TG: variants seen among roughly 807,000 people sequenced by gnomAD.
TG encodes thyroid hormones.
TG carries 270 observed loss-of-function variants against 324.7 expected under a neutral mutation model. The ratio of observed to expected loss-of-function variants is 0.83; its 90% CI spans 0.75 to 0.92. The LOEUF (loss-of-function observed/expected upper bound fraction) is 0.92. TG is among the 40% of genes least tolerant of loss of function. The pLI, the probability that TG is intolerant of heterozygous loss-of-function variation, is 0.00. For synonymous variants in TG, 1,401 were observed against 1,327.0 expected, an observed-to-expected ratio of 1.06 and a Z score of -1.21; for missense variants, 3,591 against 3,456.4, an observed-to-expected ratio of 1.04 and a Z score of -0.98.
intron 5 of TG, among the ~76,000 whole-genome samples, chr8:132,876,875 C>T (rs2132085486): frequency 6.6e-6 from 1 of 152,312 alleles, no homozygotes; most frequent in Admixed American, 6.5e-5. Context: ...AACCCTTGTC[C>T]TTAATGACTA....
At chr8:133,023,579 C>A (rs1042294193) in intron 40 of TG, among the ~76,000 whole-genome samples, 5 of 152,228 alleles carry the variant, frequency 3.3e-5, no homozygotes, top group Non-Finnish European at 5.9e-5. Flanking sequence ...AAGAGGGAGA[C>A]CTCTTGGCCT....
At chr8:132,998,447 A>G (rs932560542) in intron 35 of TG, among the ~76,000 whole-genome samples, 1 of 152,226 alleles carries the variant, frequency 6.6e-6, no homozygotes, top group Non-Finnish European at 1.5e-5. Context: ...AGCTGTGGCC[A>G]TGGGAAATTT....
At position 133,047,597 on chromosome 8, in the gene TG, T is replaced by G; in HGVS notation, c.7239+17574T>G. The stretch of plus-strand genomic sequence containing the variant: ...AATTTCCAGCAGGAGTCATCAGGCC[T>G]GATGTTGGCCAGGCCCGTGGCAGTG... On this transcript the variant is annotated intron_variant, in intron 41 of 47. Transcript: ENST00000220616. The G allele has an allele frequency of 5.4e-6, 3 of 554,506 alleles. No individual in the cohort carries two copies. The South Asian group carries it at 6.0e-5, about 11-fold the overall frequency. 34.3% of individuals were successfully genotyped at this position (554,506 alleles called of 1,614,324 possible).
At position 132,958,357 on chromosome 8, in the gene TG, G is replaced by GTCTA. The variant is rs34949600; in HGVS notation, c.5402-2619_5402-2616dup. On this transcript the variant is annotated intron_variant, in intron 27 of 47. Coordinates refer to ENST00000220616, the MANE Select transcript of TG (RefSeq NM_003235.5). Reference sequence around the variant, plus strand: ...ATATGGCATATCTATCTATCTATCTGTCTATCTATCTATCTATCTATCTAT... The same window carrying GTCTA: ...ATATGGCATATCTATCTATCTATCTGTCTATCTATCTATCTATCTATCTATCTAT... Among the ~76,000 whole-genome samples, 834 of 151,326 alleles carry GTCTA rather than the reference G, an allele frequency of 5.5e-3. 1 individual carries two copies. Among genetic ancestry groups the GTCTA allele is most frequent in the Middle Eastern group, 0.017 (5 of 292 alleles).
intron 41 of TG, chr8:133,038,584 C>A (rs2131050055): frequency 6.2e-7 from 1 of 1,614,150 alleles, no homozygotes. Flanking sequence ...TGCCACCATA[C>A]ATCAGGGAGA....
rs754487178 is a variant in TG at position 132,923,367 on chromosome 8, G to T, written c.4558G>T (p.Gly1520Cys). 6.2e-7 allele frequency: 1 copy of T among 1,614,130 alleles called. No homozygotes were observed. Among genetic ancestry groups the T allele is most frequent in the South Asian group, 1.1e-5 (1 of 91,076 alleles). The change falls in exon 22 of 48, where the codon GGC becomes TGC. Residue 1520 changes from glycine to cysteine, a missense_variant. By Grantham distance (159) the Gly-to-Cys change is radical (BLOSUM62 -3). Coordinates refer to ENST00000220616, the MANE Select transcript of TG (RefSeq NM_003235.5). ...CACTGACTGTCAGAGGAACGAAGCAGGCCTGCAATGTGACCAGAATGGCCA... is the reference window on the plus strand; with the variant it reads ...CACTGACTGTCAGAGGAACGAAGCATGCCTGCAATGTGACCAGAATGGCCA... ...CVTDCQRNEA[G>C]LQCDQNGQYR...
In TG at chr8:133,060,366, C is replaced by T. The variant is rs977688550; in HGVS notation, c.7239+30343C>T. Reference sequence around the variant, plus strand: ...GATTGGTGAAGATTGGTTACTTTTGCGCAGCTCAAGTTCTTTTATCAAGGG... The same window carrying T: ...GATTGGTGAAGATTGGTTACTTTTGTGCAGCTCAAGTTCTTTTATCAAGGG... On this transcript the variant is annotated intron_variant, in intron 41 of 47. Transcript: ENST00000220616. The T allele has an allele frequency of 1.4e-5, 22 of 1,537,132 alleles. No homozygotes were observed. The African/African-American group carries it at 1.5e-4, about 11-fold the overall frequency.
chr8:132,878,292 A>G (rs551274780), intron 5 of TG, among the ~76,000 whole-genome samples: 135 of 152,146 alleles, frequency 8.9e-4, no homozygotes, highest in African/African-American at 3.2e-3. Context: ...CTGCTGAAGG[A>G]CCAGTGGTTT....
intron 35 of TG, among the ~76,000 whole-genome samples, chr8:132,988,090 A>T (rs929367033): frequency 3.2e-4 from 48 of 151,632 alleles, no homozygotes; most frequent in African/African-American, 1.2e-3. Context: ...ACACACACAC[A>T]CACACACACA....
chr8:133,042,777 T>C (rs961566089), intron 41 of TG, among the ~76,000 whole-genome samples: 100 of 137,126 alleles, frequency 7.3e-4, no homozygotes, highest in African/African-American at 2.6e-3. Context: ...CACTGCAACC[T>C]CTGCCTCCTG....
intron 32 of TG, among the ~76,000 whole-genome samples, chr8:132,971,001 G>A (rs953511502): frequency 1.3e-5 from 2 of 152,162 alleles, no homozygotes; most frequent in African/African-American, 2.4e-5. Flanking sequence ...ATGGCAATAC[G>A]AGGCAGGATC....
Position 132,996,537 on chromosome 8 carries a change from C to A in TG, c.6262+13125C>A, listed in dbSNP as rs568487109. 2.2e-5 allele frequency among the ~76,000 whole-genome samples: 3 copies of A among 135,920 alleles called. 1 individual carries two copies. In the South Asian group the frequency reaches 6.9e-4, roughly 31 times the overall value. The allele number at this position is 135,920 out of a possible 152,430, so 89.2% of individuals were successfully genotyped here. On this transcript the variant is annotated intron_variant, in intron 35 of 47. Coordinates refer to ENST00000220616, the MANE Select transcript of TG (RefSeq NM_003235.5). ...TACAACTACATTACTATTTCTATTG[C>A]CAATTTTTTTTTGCTTGCTATTATA...
chr8:132,982,352 C>T (rs1587673973), intron 34 of TG, among the ~76,000 whole-genome samples: 2 of 152,246 alleles, frequency 1.3e-5, no homozygotes, highest in South Asian at 4.1e-4. Context: ...CATGTACCGT[C>T]CTAGTTTGGG....
At chr8:132,930,072 C>A (rs187872028) in intron 23 of TG, among the ~76,000 whole-genome samples, 2 of 152,278 alleles carry the variant, frequency 1.3e-5, no homozygotes, top group African/African-American at 4.8e-5. Flanking sequence ...TGCCTCAGTA[C>A]CCACATGTGA....
rs761925611 is a variant in TG at position 132,961,044 on chromosome 8, C to T, written c.5438C>T (p.Thr1813Ile). Residue 1813 changes from threonine to isoleucine, a missense_variant, in exon 28 of 48, where the codon ACC (threonine) becomes ATC (isoleucine). Coordinates refer to ENST00000220616, the MANE Select transcript of TG (RefSeq NM_003235.5). ...TTAGAAGGAACTCAAGACACCTTTA[C>T]CAATTTTCAGCAGGTTTATCTCTGG... is the stretch of plus-strand genomic sequence containing the variant. ...TPLEGTQDTF[T>I]NFQQVYLWKD... 6.2e-7 allele frequency: 1 copy of T among 1,614,040 alleles called. No individual in the cohort carries two copies. Among genetic ancestry groups the T allele is most frequent in the Non-Finnish European group, 8.5e-7 (1 of 1,179,964 alleles).
chr8:133,042,786 T>C (rs2741191), intron 41 of TG, among the ~76,000 whole-genome samples: 110,676 of 148,940 alleles, frequency 0.74, 41,880 homozygotes, highest in African/African-American at 0.89. Flanking sequence ...CTCTGCCTCC[T>C]GGGTTCAAGT....
At chr8:132,923,064 C>G (rs990495862) in intron 21 of TG, among the ~76,000 whole-genome samples, 6 of 152,092 alleles carry the variant, frequency 3.9e-5, no homozygotes, top group Non-Finnish European at 7.3e-5. Flanking sequence ...TGTGTTGGAG[C>G]AAATGGTATC....
intron 37 of TG, among the ~76,000 whole-genome samples, chr8:133,016,828 C>G (rs1221918406): frequency 6.6e-6 from 1 of 152,154 alleles, no homozygotes; most frequent in Non-Finnish European, 1.5e-5. Context: ...CCAGATCAAT[C>G]AATGAATGAA....
chr8:133,003,982 C>G (rs1221213727), intron 35 of TG, among the ~76,000 whole-genome samples: 1 of 152,202 alleles, frequency 6.6e-6, no homozygotes, highest in African/African-American at 2.4e-5. Flanking sequence ...AATGAAGTAC[C>G]ATTAGATGGA....
Sources: gnomAD v4.1 joint callset for allele counts (sites outside exome capture counted in the v4.1 genomes callset) on GRCh38, gnomAD v4.1.1 for gene constraint, MANE v1.5 for transcripts, NCBI Gene and HGNC (gene_info 2026-07-23, HGNC 2026-07-21) for gene names.